Variants in ATAD2B observed in about 807,000 individuals in gnomAD.
ATAD2B encodes ATPase family AAA domain containing 2B, also known as ATPase family AAA domain-containing protein 2B.
A neutral mutation model predicts 167.6 loss-of-function variants in ATAD2B; 40 were observed. The observed-to-expected ratio is 0.24, with a 90% CI of 0.19 to 0.31. The LOEUF (loss-of-function observed/expected upper bound fraction) is 0.31, where lower values mean the gene tolerates loss of function less well. Among genes scored for constraint, ATAD2B ranks in the 10% least tolerant of loss-of-function variants. The pLI is 1.00. For missense variants in ATAD2B, 1,242 were observed against 1,757.2 expected (o/e 0.71, Z 5.24); for synonymous variants, 579 against 596.5 (o/e 0.97, Z 0.43).
In ATAD2B at chr2:23,749,575, G is replaced by A. The variant is rs1173896245; in HGVS notation, c.*2471C>T. ...AGTGTGTTTTTTTAATTGAGGGAAG[G>A]AGGGCCAGAGGAGTTGGTACAATTT... On this transcript the variant is annotated 3_prime_UTR_variant, in exon 28 of 28. Coordinates refer to ENST00000238789, the MANE Select transcript of ATAD2B (RefSeq NM_017552.4). The A allele has an allele frequency of 2.6e-5, 4 of 151,864 alleles. No individual in the cohort carries two copies. The highest frequency in any genetic ancestry group is 9.7e-5 in the African/African-American group (4 of 41,324). 9.4% of individuals were successfully genotyped at this position (151,864 alleles called of 1,614,324 possible). A position where few individuals can be genotyped will look rare whatever the true frequency, so the allele number is the denominator to read the frequency against.
In ATAD2B at chr2:23,887,773, C is replaced by T. The variant is rs1376040299; in HGVS notation, c.572+59G>A. 1.1e-5 allele frequency: 15 copies of T among 1,409,122 alleles called. No homozygotes were observed. The East Asian group carries it at 2.8e-4, about 27-fold the overall frequency. 87.3% of individuals were successfully genotyped at this position (1,409,122 alleles called of 1,614,324 possible). ...CGTTGCTTATGTTATTTTTTTAAAACGTAACTGTCTTAAAAACCAAATAAT... is the reference window on the plus strand; with the variant it reads ...CGTTGCTTATGTTATTTTTTTAAAATGTAACTGTCTTAAAAACCAAATAAT... On this transcript the variant is annotated intron_variant, in intron 4 of 27. Coordinates refer to ENST00000238789, the MANE Select transcript of ATAD2B (RefSeq NM_017552.4).
chr2:23,919,962 C>T (rs529604944), intron 1 of ATAD2B, among the ~76,000 whole-genome samples: 1 of 152,086 alleles, frequency 6.6e-6, no homozygotes, highest in South Asian at 2.1e-4. Flanking sequence ...ACCAGCCTGG[C>T]TAACATGGCA....
intron 6 of ATAD2B, among the ~76,000 whole-genome samples, chr2:23,883,206 G>T (rs1698206861): frequency 6.6e-6 from 1 of 151,536 alleles, no homozygotes; most frequent in Admixed American, 6.6e-5. Flanking sequence ...CTTGAGCCTG[G>T]GAGGTCAAGG....
chr2:23,704,662 G>C, the ATAD2B span, among the ~76,000 whole-genome samples: 12 of 152,146 alleles, frequency 7.9e-5, no homozygotes, highest in South Asian at 4.1e-4. Context: ...AGCTTCTCAG[G>C]AAGCTGAGGC....
chr2:23,877,901 T>C (rs191325071), intron 7 of ATAD2B, among the ~76,000 whole-genome samples: 147 of 146,950 alleles, frequency 1.0e-3, no homozygotes, highest in African/African-American at 3.6e-3. Context: ...ACAAAAAAAT[T>C]TTTTTTTAAT....
At chr2:23,798,060 T>G in intron 19 of ATAD2B, 78 bp downstream of exon 19, 1 of 956,670 alleles carries the variant, frequency 1.0e-6, no homozygotes, top group South Asian at 2.6e-5. Context: ...TTATAATAAT[T>G]AAAAGGTGTC....
chr2:23,863,716 C>T (rs1203449513), intron 11 of ATAD2B, among the ~76,000 whole-genome samples, 161 bp from the exon 12 acceptor site: 1 of 152,144 alleles, frequency 6.6e-6, no homozygotes, highest in African/African-American at 2.4e-5. Context: ...TTTTACTTTG[C>T]TAAGTCCTTA....
intron 18 of ATAD2B, among the ~76,000 whole-genome samples, chr2:23,808,081 T>TTATATATATATATATATATATA (rs1363658978): frequency 7.5e-6 from 1 of 133,528 alleles, no homozygotes; most frequent in South Asian, 2.2e-4. Flanking sequence ...ATATAAGTAA[T>TTATATATATATATATATATATA]TATATATATA....
chr2:23,745,333 GAA>G (rs1674777573), downstream of ATAD2B, among the ~76,000 whole-genome samples: 2 of 148,490 alleles, frequency 1.3e-5, no homozygotes, highest in South Asian at 4.3e-4. Flanking sequence ...GAGAAAGAGA[GAA>G]AGAGACAGAG....
chr2:23,765,763 T>C (rs1290296422), intron 22 of ATAD2B, 135 bp from the exon 23 acceptor site: 1 of 518,874 alleles, frequency 1.9e-6, no homozygotes, highest in African/African-American at 2.0e-5. Context: ...ATTTAAAGTA[T>C]GGGTAAAAAA....
At chr2:23,764,696 G>A (rs752607511) in intron 23 of ATAD2B, among the ~76,000 whole-genome samples, 1 of 152,122 alleles carries the variant, frequency 6.6e-6, no homozygotes, top group Admixed American at 6.5e-5. Context: ...TCTCTAAAAA[G>A]GTAGAAGAAA....
intron 19 of ATAD2B, among the ~76,000 whole-genome samples, chr2:23,792,438 GA>G (rs1474861237): frequency 7.7e-6 from 1 of 129,674 alleles, no homozygotes; most frequent in African/African-American, 2.9e-5. Flanking sequence ...TTTGTAATAA[GA>G]AAAATTAATG....
At chr2:23,881,153 CA>C (rs1034086386) in intron 6 of ATAD2B, among the ~76,000 whole-genome samples, 115 of 151,960 alleles carry the variant, frequency 7.6e-4, no homozygotes, top group African/African-American at 2.7e-3. Context: ...CTTGATAATT[CA>C]AAAAAATATG....
intron 22 of ATAD2B, among the ~76,000 whole-genome samples, chr2:23,777,698 T>C (rs1227090532): frequency 6.6e-6 from 1 of 152,122 alleles, no homozygotes; most frequent in Non-Finnish European, 1.5e-5. Context: ...GTATATAGCA[T>C]ATGAATAGGC....
At chr2:23,854,800 T>A (rs560813706) in intron 13 of ATAD2B, among the ~76,000 whole-genome samples, 1 of 152,324 alleles carries the variant, frequency 6.6e-6, no homozygotes, top group African/African-American at 2.4e-5. Context: ...ATACATTTTT[T>A]AAATCTATAT....
At chr2:23,912,725 T>C (rs910213599) in intron 1 of ATAD2B, among the ~76,000 whole-genome samples, 2 of 152,108 alleles carry the variant, frequency 1.3e-5, no homozygotes, top group African/African-American at 4.8e-5. Context: ...GCACAATGGC[T>C]CACATCTGTA....
At chr2:23,800,194 G>C (rs1683260370) in intron 18 of ATAD2B, among the ~76,000 whole-genome samples, 2 of 152,106 alleles carry the variant, frequency 1.3e-5, no homozygotes, top group Middle Eastern at 6.8e-3. Flanking sequence ...GGTAAAACAA[G>C]AAAGAGTCAG....
chr2:23,885,925 G>A (rs999886790), intron 4 of ATAD2B, 96 bp from the exon 5 acceptor site: 9 of 690,480 alleles, frequency 1.3e-5, no homozygotes, highest in Admixed American at 6.8e-5. Flanking sequence ...TCTCTGATGT[G>A]TAACTACACA....
the ATAD2B span, among the ~76,000 whole-genome samples, chr2:23,704,775 G>C: frequency 1.5e-4 from 23 of 152,124 alleles, no homozygotes; most frequent in Non-Finnish European, 3.1e-4. Context: ...TCACAAAAAA[G>C]AAGGGGCCTC....
Sources: gnomAD v4.1 joint callset for allele counts (sites outside exome capture counted in the v4.1 genomes callset) on GRCh38, gnomAD v4.1.1 for gene constraint, MANE v1.5 for transcripts, NCBI Gene and HGNC (gene_info 2026-07-23, HGNC 2026-07-21) for gene names.